Variants in PIEZO2 observed in about 807,000 individuals in gnomAD.
The protein encoded by PIEZO2 is piezo-type mechanosensitive ion channel component 2.
In PIEZO2, 172 loss-of-function variants were observed where a neutral mutation model predicts 337.3. The observed-to-expected ratio is 0.51, with a 90% CI of 0.45 to 0.58. The LOEUF is 0.58. Among genes scored for constraint, PIEZO2 ranks in the 20% least tolerant of loss-of-function variants. PIEZO2 has a pLI of 0.00. For synonymous variants in PIEZO2, 1,251 were observed against 1,228.5 expected (o/e 1.02, Z -0.38); for missense variants, 3,028 against 3,391.3 (o/e 0.89, Z 2.66).
chr18:10,844,414 T>C (rs28626478), intron 7 of PIEZO2, among the ~76,000 whole-genome samples: 47,591 of 150,246 alleles, frequency 0.32, 8,179 homozygotes, highest in East Asian at 0.65. Flanking sequence ...AGTGAGACTG[T>C]CTCAAAAGAT....
chr18:11,049,826 A>G (rs188581581), intron 2 of PIEZO2, among the ~76,000 whole-genome samples: 31 of 152,290 alleles, frequency 2.0e-4, no homozygotes, highest in Admixed American at 1.8e-3. Flanking sequence ...TGAGTCCATT[A>G]AACCTCTTTT....
At chr18:10,998,691 C>T (rs1275388525) in intron 2 of PIEZO2, among the ~76,000 whole-genome samples, 1 of 151,830 alleles carries the variant, frequency 6.6e-6, no homozygotes, top group Non-Finnish European at 1.5e-5. Flanking sequence ...CCAAACTATA[C>T]ACTTATATAC....
In PIEZO2 at chr18:10,875,794, C is replaced by T. The variant is rs547973853; in HGVS notation, c.330-4379G>A. Among the ~76,000 whole-genome samples the T allele has an allele frequency of 7.4e-4, 112 of 152,320 alleles. 1 individual carries two copies. The highest frequency in any genetic ancestry group is 2.6e-3 in the African/African-American group (107 of 41,566). Reference sequence around the variant, plus strand: ...GCAAACATCACTTTGAGGCAACAGTCTCAGCTTTGTGCTTCTTGGTCCCAA... The same window carrying T: ...GCAAACATCACTTTGAGGCAACAGTTTCAGCTTTGTGCTTCTTGGTCCCAA... On this transcript the variant is annotated intron_variant, in intron 4 of 55. Transcript: ENST00000674853.
intron 2 of PIEZO2, among the ~76,000 whole-genome samples, chr18:11,013,687 T>C (rs2035983267): frequency 6.6e-6 from 1 of 152,178 alleles, no homozygotes; most frequent in African/African-American, 2.4e-5. Context: ...AAAAATGAGA[T>C]GCAACATTCT....
At chr18:11,141,200 G>A (rs989851115) in intron 1 of PIEZO2, among the ~76,000 whole-genome samples, 6 of 152,152 alleles carry the variant, frequency 3.9e-5, no homozygotes, top group African/African-American at 7.2e-5. Context: ...ACTGGCTGAC[G>A]GGGCCTTCTA....
Position 10,757,841 on chromosome 18 carries a change from T to C in PIEZO2, c.3923+128A>G, listed in dbSNP as rs973596712. ...GGCTGCTGAACCACATTGTCCAGCA[T>C]TTATTAACTTCAGTGTATACAATTC... On this transcript the variant is annotated intron_variant, in intron 27 of 55. Transcript: ENST00000674853. 5.8e-6 allele frequency: 6 copies of C among 1,040,758 alleles called. No homozygotes were observed. The East Asian group carries it at 1.6e-4, about 27-fold the overall frequency. 64.5% of individuals were successfully genotyped at this position (1,040,758 alleles called of 1,614,324 possible).
At chr18:10,883,518 T>C (rs1460347288) in intron 4 of PIEZO2, among the ~76,000 whole-genome samples, 1 of 152,212 alleles carries the variant, frequency 6.6e-6, no homozygotes, top group African/African-American at 2.4e-5. Context: ...GATATACATA[T>C]ATAACTATAC....
At chr18:10,720,278 C>G (rs2036212883) in intron 36 of PIEZO2, among the ~76,000 whole-genome samples, 1 of 119,254 alleles carries the variant, frequency 8.4e-6, no homozygotes, top group African/African-American at 3.3e-5. Context: ...AGAGAGAATA[C>G]ATATATCATA....
chr18:10,724,713 C>T lies in PIEZO2; in HGVS notation c.5030-6454G>A. On this transcript the variant is annotated intron_variant, in intron 36 of 55. Transcript: ENST00000674853. The surrounding 1 kb of genome is among the most constrained non-coding windows in gnomAD (Gnocchi z 5.8). Reference sequence around the variant, plus strand: ...TGCGTCATAGGCTGAAGCACTCAGACCGAGATGGGCCACCACTGTACCCCT... The same window carrying T: ...TGCGTCATAGGCTGAAGCACTCAGATCGAGATGGGCCACCACTGTACCCCT... 6 of 1,393,114 alleles carry T rather than the reference C, an allele frequency of 4.3e-6. No individual in the cohort carries two copies. The South Asian group carries it at 6.9e-5, about 16-fold the overall frequency. 86.3% of individuals were successfully genotyped at this position (1,393,114 alleles called of 1,614,324 possible).
At chr18:11,059,518 T>G (rs555169244) in intron 2 of PIEZO2, among the ~76,000 whole-genome samples, 5 of 152,140 alleles carry the variant, frequency 3.3e-5, no homozygotes, top group Non-Finnish European at 7.4e-5. Context: ...ACCCATCTCA[T>G]GTGCAGAGAC....
intron 4 of PIEZO2, among the ~76,000 whole-genome samples, chr18:10,889,991 G>A (rs1282349488): frequency 1.3e-5 from 2 of 152,184 alleles, no homozygotes; most frequent in Admixed American, 6.5e-5. Context: ...CCCCAGCACT[G>A]TCCATAATTA....
At chr18:10,880,892 T>TA (rs1568159734) in intron 4 of PIEZO2, among the ~76,000 whole-genome samples, 1 of 98,988 alleles carries the variant, frequency 1.0e-5, no homozygotes, top group Non-Finnish European at 2.1e-5. Context: ...TATATATATA[T>TA]ATATATATAA....
At chr18:10,874,020 G>T (rs2042204009) in intron 4 of PIEZO2, among the ~76,000 whole-genome samples, 1 of 152,084 alleles carries the variant, frequency 6.6e-6, no homozygotes, top group African/African-American at 2.4e-5. Context: ...ATAATCAACA[G>T]AGTGGAAAGA....
intron 32 of PIEZO2, among the ~76,000 whole-genome samples, chr18:10,741,663 T>C (rs1210395591): frequency 6.6e-6 from 1 of 152,196 alleles, no homozygotes; most frequent in Non-Finnish European, 1.5e-5. Context: ...TAATTTGATA[T>C]AATAAATCCA....
chr18:10,681,802 G>A, intron 50 of PIEZO2, 49 bp from the exon 51 acceptor site: 1 of 1,440,726 alleles, frequency 6.9e-7, no homozygotes, highest in Non-Finnish European at 9.7e-7. Context: ...GCTCTTCTCT[G>A]CATCCTGAGT....
chr18:10,930,456 C>T (rs1005945593), intron 3 of PIEZO2, among the ~76,000 whole-genome samples: 2 of 152,196 alleles, frequency 1.3e-5, no homozygotes, highest in African/African-American at 2.4e-5. Context: ...TCTGGGCTGT[C>T]CAATGTACTC....
chr18:10,785,001 A>C lies in PIEZO2; in HGVS notation c.2319-44T>G, dbSNP rs376744511. On this transcript the variant is annotated intron_variant, in intron 16 of 55. Transcript: ENST00000674853. ...TAAAAAGCAGGAACCTCTCTTACGC[A>C]ATGAAGTCACAAACTCTTTGTGATA... 2.6e-5 allele frequency: 39 copies of C among 1,500,084 alleles called. No homozygotes were observed. The East Asian group carries it at 8.8e-4, about 34-fold the overall frequency. The allele number at this position is 1,500,084 out of a possible 1,614,324, so 92.9% of individuals were successfully genotyped here. A position where few individuals can be genotyped will look rare whatever the true frequency, so the allele number is the denominator to read the frequency against.
chr18:10,688,498 G>C (rs1384175519), intron 49 of PIEZO2, among the ~76,000 whole-genome samples: 3 of 152,152 alleles, frequency 2.0e-5, no homozygotes, highest in Admixed American at 6.5e-5. Flanking sequence ...ACTTAGGGCA[G>C]AGGTTTCATA....
chr18:10,703,812 G>A (rs1598377822), intron 42 of PIEZO2, among the ~76,000 whole-genome samples: 3 of 152,188 alleles, frequency 2.0e-5, no homozygotes, highest in East Asian at 3.8e-4. Flanking sequence ...ATGAAAATGG[G>A]CTGACATCCA....
Sources: allele counts gnomAD v4.1 joint callset (sites outside exome capture counted in the v4.1 genomes callset), GRCh38; gene constraint gnomAD v4.1.1; non-coding constraint Gnocchi (gnomAD v3.1); transcripts MANE v1.5; gene names NCBI Gene and HGNC (gene_info 2026-07-23, HGNC 2026-07-21).